Variants in LMAN2L observed in about 807,000 individuals in gnomAD.
The protein encoded by LMAN2L is lectin, mannose binding 2 like, also known as VIP36-like protein.
In LMAN2L, 30 loss-of-function variants were observed where a neutral mutation model predicts 44.3. The ratio of observed to expected loss-of-function variants is 0.68; its 90% confidence interval spans 0.51 to 0.92. LMAN2L has a LOEUF of 0.92. Among genes scored for constraint, LMAN2L ranks in the 40% least tolerant of loss-of-function variants. The pLI is 0.00. For synonymous variants in LMAN2L, 183 were observed against 171.1 expected (o/e 1.07, Z -0.54); for missense variants, 429 against 446.1 (o/e 0.96, Z 0.35).
At chr2:96,720,875 G>A (rs748044307) in intron 4 of LMAN2L, among the ~76,000 whole-genome samples, 4 of 152,076 alleles carry the variant, frequency 2.6e-5, no homozygotes, top group Admixed American at 1.3e-4. Flanking sequence ...GGAGATGGAC[G>A]TTGCAGTGAG....
At chr2:96,725,466 G>A (rs189795899) in intron 4 of LMAN2L, among the ~76,000 whole-genome samples, 31 of 146,454 alleles carry the variant, frequency 2.1e-4, no homozygotes, top group South Asian at 6.4e-4. Flanking sequence ...TTTTTGAGAC[G>A]GAGTCTCGTT....
chr2:96,714,662 C>T (rs2078002281), intron 4 of LMAN2L, among the ~76,000 whole-genome samples: 1 of 152,190 alleles, frequency 6.6e-6, no homozygotes, highest in South Asian at 2.1e-4. Flanking sequence ...CACTCATCAC[C>T]TCTAGTAACC....
At chr2:96,716,119 C>A (rs191839413) in intron 4 of LMAN2L, among the ~76,000 whole-genome samples, 1 of 152,196 alleles carries the variant, frequency 6.6e-6, no homozygotes, top group African/African-American at 2.4e-5. Context: ...ATTCCCAGAC[C>A]ACTGGCTGTG....
chr2:96,722,247 C>T (rs1256184765), intron 4 of LMAN2L, among the ~76,000 whole-genome samples: 2 of 152,258 alleles, frequency 1.3e-5, no homozygotes, highest in Admixed American at 1.3e-4. Context: ...GGATTACAGG[C>T]GTGAGCCACC....
At chr2:96,732,831 CA>C (rs1423053783) in intron 4 of LMAN2L, among the ~76,000 whole-genome samples, 1 of 150,536 alleles carries the variant, frequency 6.6e-6, no homozygotes, top group African/African-American at 2.4e-5. Context: ...CTCTGCTGCC[CA>C]GGGGGGAGTG....
intron 6 of LMAN2L, among the ~76,000 whole-genome samples, chr2:96,709,574 G>A (rs774461831): frequency 2.0e-5 from 3 of 152,188 alleles, no homozygotes; most frequent in African/African-American, 4.8e-5. Context: ...CCCAGGTAGT[G>A]AAAAACTGGA....
chr2:96,733,400 G>T, intron 4 of LMAN2L, 119 bp downstream of exon 4: 2 of 723,576 alleles, frequency 2.8e-6, no homozygotes, highest in South Asian at 1.8e-5. Context: ...AACTTTCAAA[G>T]TTCAACAGAT....
intron 4 of LMAN2L, among the ~76,000 whole-genome samples, chr2:96,730,671 CCTCT>C (rs113684894): frequency 7.3e-5 from 11 of 151,678 alleles, no homozygotes; most frequent in Admixed American, 2.0e-4. Flanking sequence ...CTCATTATCC[CCTCT>C]CTCTCTCTTT....
intron 4 of LMAN2L, among the ~76,000 whole-genome samples, chr2:96,727,008 C>T (rs374576871): frequency 8.1e-4 from 123 of 151,866 alleles, no homozygotes; most frequent in African/African-American, 2.9e-3. Context: ...TGCTTGAACC[C>T]GGGAGGCAGA....
chr2:96,731,770 G>C (rs1574026115), intron 4 of LMAN2L, among the ~76,000 whole-genome samples: 1 of 151,784 alleles, frequency 6.6e-6, no homozygotes, highest in African/African-American at 2.4e-5. Flanking sequence ...GTTTATTTTG[G>C]TGACAGTCTT....
intron 4 of LMAN2L, among the ~76,000 whole-genome samples, chr2:96,724,261 A>G (rs182772475): frequency 2.6e-5 from 4 of 152,310 alleles, no homozygotes; most frequent in Admixed American, 2.6e-4. Flanking sequence ...AGGAAGTGTG[A>G]GCATTCCAAC....
intron 4 of LMAN2L, among the ~76,000 whole-genome samples, chr2:96,721,412 A>G (rs2078152391): frequency 6.9e-6 from 1 of 144,882 alleles, no homozygotes; most frequent in South Asian, 2.2e-4. Flanking sequence ...GGCTCATTGC[A>G]ACCTCGAGGT....
intron 4 of LMAN2L, among the ~76,000 whole-genome samples, chr2:96,732,666 AAAAG>A (rs1200312240): frequency 3.3e-5 from 5 of 151,938 alleles, no homozygotes; most frequent in Admixed American, 2.0e-4. Context: ...TTAAAAAAAA[AAAAG>A]AAAGCACTAA....
At chr2:96,734,967 T>G (rs2078483683) in intron 2 of LMAN2L, among the ~76,000 whole-genome samples, 1 of 152,228 alleles carries the variant, frequency 6.6e-6, no homozygotes, top group Admixed American at 6.5e-5. Flanking sequence ...AAAGCCTAAT[T>G]TATTACAGTA....
chr2:96,729,219 A>G (rs1012818924), intron 4 of LMAN2L, among the ~76,000 whole-genome samples: 7 of 151,794 alleles, frequency 4.6e-5, no homozygotes, highest in Non-Finnish European at 1.0e-4. Flanking sequence ...ATAATAATAA[A>G]TGTCTCTATT....
intron 4 of LMAN2L, among the ~76,000 whole-genome samples, chr2:96,720,481 T>C (rs1218633648): frequency 2.0e-5 from 3 of 152,072 alleles, no homozygotes; most frequent in Non-Finnish European, 2.9e-5. Context: ...TTACCTTTTT[T>C]TTTTTTTTGA....
At chr2:96,713,136 G>A (rs182265220) in intron 4 of LMAN2L, 1 of 1,551,350 alleles carries the variant, frequency 6.4e-7, no homozygotes, top group East Asian at 2.4e-5. Context: ...CGCCTCTTCT[G>A]GGCCTGAGAG....
chr2:96,721,948 A>G (rs981834914), intron 4 of LMAN2L, among the ~76,000 whole-genome samples: 1 of 151,906 alleles, frequency 6.6e-6, no homozygotes, highest in Non-Finnish European at 1.5e-5. Flanking sequence ...TGATTCAAGC[A>G]CATTACATTT....
intron 4 of LMAN2L, chr2:96,713,243 T>G: frequency 1.0e-6 from 1 of 953,304 alleles, no homozygotes; most frequent in Non-Finnish European, 1.6e-6. Flanking sequence ...CCAGCTGTGA[T>G]GGATGAACAA....
Sources: allele counts gnomAD v4.1 joint callset (sites outside exome capture counted in the v4.1 genomes callset), GRCh38; gene constraint gnomAD v4.1.1; transcripts MANE v1.5; gene names NCBI Gene and HGNC (gene_info 2026-07-23, HGNC 2026-07-21).